Variants in CBFA2T3 observed in about 807,000 individuals in gnomAD.
CBFA2T3 encodes the protein transcriptional corepressor CBFA2T3.
Under a neutral mutation model 58.6 loss-of-function variants are expected in CBFA2T3, and 31 were observed. The observed-to-expected ratio is 0.53, with a 90% CI of 0.40 to 0.71. The LOEUF (loss-of-function observed/expected upper bound fraction) is 0.71. Ranked by LOEUF, CBFA2T3 falls within the 30% of genes least tolerant of loss-of-function variation. The pLI, the probability that CBFA2T3 is intolerant of heterozygous loss-of-function variation, is 0.00. For missense variants in CBFA2T3, 1,076 were observed against 963.1 expected, an observed-to-expected ratio of 1.12 and a Z score of -1.55; for synonymous variants, 531 against 421.9, an observed-to-expected ratio of 1.26 and a Z score of -3.17.
At chr16:88,880,359 C>T (rs531252317) in intron 10 of CBFA2T3, among the ~76,000 whole-genome samples, 135 of 152,328 alleles carry the variant, frequency 8.9e-4, no homozygotes, top group African/African-American at 3.0e-3. Flanking sequence ...CAGCGCTCAG[C>T]TCCACGTCTG....
chr16:88,947,190 G>A (rs915024396), intron 1 of CBFA2T3, among the ~76,000 whole-genome samples: 5 of 152,248 alleles, frequency 3.3e-5, no homozygotes, highest in Non-Finnish European at 5.9e-5. Context: ...GGAACAAGTC[G>A]GAAAGAGTAA....
intron 8 of CBFA2T3, chr16:88,881,754 CGCTCAGCGGGG>C (rs1337446526): frequency 2.3e-6 from 1 of 442,158 alleles, no homozygotes; most frequent in Non-Finnish European, 4.0e-6. Context: ...CTTTTTAACC[CGCTCAGCGGGG>C]CTCTGCCTCA....
At chr16:88,880,939 C>A in intron 9 of CBFA2T3, 151 bp from the exon 10 acceptor site, 1 of 740,840 alleles carries the variant, frequency 1.3e-6, no homozygotes, top group South Asian at 1.6e-5. Flanking sequence ...AGGTCTGGCT[C>A]AGGCACCCAG....
intron 1 of CBFA2T3, among the ~76,000 whole-genome samples, chr16:88,902,211 C>T (rs1224068326): frequency 2.0e-5 from 3 of 152,170 alleles, no homozygotes; most frequent in African/African-American, 4.8e-5. Flanking sequence ...GGGCGGGGGA[C>T]GGTGTCTGCC....
At chr16:88,887,936 G>A (rs2911451) in intron 5 of CBFA2T3, among the ~76,000 whole-genome samples, 59,550 of 152,046 alleles carry the variant, frequency 0.39, 12,094 homozygotes, top group East Asian at 0.69. Flanking sequence ...GGACTCCGCT[G>A]CTCTGCCAAG....
rs571550899 is a variant in CBFA2T3 at position 88,877,126 on chromosome 16, G to A, written c.1812C>T (p.Ala604=). The change falls in exon 12 of 12, where the codon GCC becomes GCT. Residue 604 remains alanine (A), a synonymous_variant. Coordinates refer to ENST00000268679, the MANE Select transcript of CBFA2T3 (RefSeq NM_005187.6). Reference sequence around the variant, plus strand: ...CTTCGGGCGGTCCAGGCACCGGGTCGGCCACCACGGCTGTGGGGCCCTGCA... The same window carrying A: ...CTTCGGGCGGTCCAGGCACCGGGTCAGCCACCACGGCTGTGGGGCCCTGCA... ...QSLQGPTAVV[A]DPVPGPPEAA... is the part of the protein sequence containing the mutation. The A allele has an allele frequency of 8.4e-6, 13 of 1,548,660 alleles. No homozygotes were observed. Among genetic ancestry groups the A allele is most frequent in the South Asian group, 2.4e-5 (2 of 84,002 alleles).
At chr16:88,924,520 G>T (rs1971023361) in intron 1 of CBFA2T3, among the ~76,000 whole-genome samples, 3 of 152,146 alleles carry the variant, frequency 2.0e-5, no homozygotes, top group Admixed American at 1.3e-4. Flanking sequence ...AGAGCGGGCG[G>T]AGGGCCCAGT....
Position 88,898,913 on chromosome 16 carries a change from A to G in CBFA2T3, c.305-761T>C, listed in dbSNP as rs1248997074. 5.9e-5 allele frequency among the ~76,000 whole-genome samples: 9 copies of G among 152,248 alleles called. No individual in the cohort carries two copies. In the South Asian group the frequency reaches 1.0e-3, roughly 17 times the overall value. ...TTGTTCGAGCTGAAGTCAGTGGCGC[A>G]GGCCACAGGAAGACAGGCTCTAGTA... On this transcript the variant is annotated intron_variant, in intron 2 of 11. Coordinates refer to ENST00000268679, the MANE Select transcript of CBFA2T3 (RefSeq NM_005187.6).
intron 3 of CBFA2T3, among the ~76,000 whole-genome samples, chr16:88,896,170 G>A (rs1034089891): frequency 6.6e-6 from 1 of 152,162 alleles, no homozygotes; most frequent in Non-Finnish European, 1.5e-5. Flanking sequence ...ACTAATCGCA[G>A]GTCAGATATG....
In CBFA2T3 at chr16:88,881,352, G is replaced by T. The variant is rs751263024; in HGVS notation, c.1341C>A (p.Gly447=). ...GGGGCCGGGCCGCGGCGGGAGCGGG[G>T]CCCTTCTTTGTGTCCTCGGCGTCGC... ...RYSDAEDTKK[G]PAPAAARPRS... is the part of the protein sequence containing the mutation. Residue 447 remains glycine, a synonymous_variant, in exon 9 of 12, where the codon GGC becomes GGA. Transcript: ENST00000268679. The T allele has an allele frequency of 6.3e-7, 1 of 1,584,872 alleles. No individual in the cohort carries two copies. Among genetic ancestry groups the T allele is most frequent in the South Asian group, 1.1e-5 (1 of 88,548 alleles).
rs1163295672 is a variant in CBFA2T3, at chr16:88,898,138, GC to G, written c.318del (p.Pro107LeufsTer13). The G allele has an allele frequency of 1.2e-6, 2 of 1,612,424 alleles. No individual in the cohort carries two copies. Among genetic ancestry groups the G allele is most frequent in the Admixed American group, 1.7e-5 (1 of 60,024 alleles). Reference protein sequence around the residue: ...SFTPHTHREDGPATLPHGRFH... With the variant: ...SFTPHTHREDXPATLPHGRFH... ...AAACGGCCGTGGGGCAGCGTCGCAG[GC>G]CCGTCCTCTCGATCTGTAAGCAAAA... is the stretch of plus-strand genomic sequence containing the variant. On this transcript the variant is annotated frameshift_variant, in exon 3 of 12. Coordinates refer to ENST00000268679, the MANE Select transcript of CBFA2T3 (RefSeq NM_005187.6). LOFTEE classifies it high-confidence loss of function.
At chr16:88,959,130 G>A (rs115651967) in intron 1 of CBFA2T3, among the ~76,000 whole-genome samples, 182 of 152,322 alleles carry the variant, frequency 1.2e-3, no homozygotes, top group African/African-American at 4.2e-3. Flanking sequence ...GCTGATTGAC[G>A]CGCTGAATCG....
intron 1 of CBFA2T3, among the ~76,000 whole-genome samples, chr16:88,902,820 C>T (rs997918782): frequency 6.6e-6 from 1 of 152,158 alleles, no homozygotes; most frequent in South Asian, 2.1e-4. Context: ...GAATACCGGA[C>T]TGCCCCGCAC....
In CBFA2T3 at chr16:88,965,506, C is replaced by T. The variant is rs1044813517; in HGVS notation, c.151+11151G>A. The stretch of plus-strand genomic sequence containing the variant: ...GGTGCGCAGCGCCAGCCACAGGCCC[C>T]GAATCCTGCTTCTACAACCCAGGGG... On this transcript the variant is annotated intron_variant, in intron 1 of 11. Coordinates refer to ENST00000268679, the MANE Select transcript of CBFA2T3 (RefSeq NM_005187.6). Among the ~76,000 whole-genome samples, 8 of 152,208 alleles carry T rather than the reference C, an allele frequency of 5.3e-5. No homozygotes were observed. The South Asian group carries it at 8.3e-4, about 16-fold the overall frequency.
intron 1 of CBFA2T3, among the ~76,000 whole-genome samples, chr16:88,930,540 G>A (rs1417261265): frequency 6.6e-6 from 1 of 151,802 alleles, no homozygotes; most frequent in Non-Finnish European, 1.5e-5. Flanking sequence ...CTAGGCTCCA[G>A]TGCGGGGAGC....
Position 88,976,726 on chromosome 16 carries a change from C to T in CBFA2T3, c.82G>A (p.Val28Met), listed in dbSNP as rs1473239715. Residue 28 changes from valine to methionine, a missense_variant, in exon 1 of 12, where the codon GTG becomes ATG. By Grantham distance (21) the Val-to-Met change is conservative. Transcript: ENST00000268679. ...TCGSMSQTHP[V>M]LESGLLASAG... ...GATGCCAGGAGGCCGCTCTCCAGCA[C>T]AGGGTGCGTCTGGGACATGGAGCCA... 6.4e-7 allele frequency: 1 copy of T among 1,558,188 alleles called. No homozygotes were observed. The highest frequency in any genetic ancestry group is 8.7e-7 in the Non-Finnish European group (1 of 1,150,960).
intron 1 of CBFA2T3, among the ~76,000 whole-genome samples, chr16:88,934,931 G>T (rs947081126): frequency 1.3e-5 from 2 of 152,134 alleles, no homozygotes; most frequent in Admixed American, 6.5e-5. Flanking sequence ...TAGTAGAGAC[G>T]GGGTTTCACC....
chr16:88,899,149 T>C lies in CBFA2T3; in HGVS notation c.305-997A>G, dbSNP rs546803946. Among the ~76,000 whole-genome samples, 446 of 144,426 alleles carry C rather than the reference T, an allele frequency of 3.1e-3. 3 individuals are homozygous for C. Among genetic ancestry groups the C allele is most frequent in the African/African-American group, 0.011 (423 of 38,462 alleles). The allele number at this position is 144,426 out of a possible 152,430, so 94.7% of individuals were successfully genotyped here. On this transcript the variant is annotated intron_variant, in intron 2 of 11. Coordinates refer to ENST00000268679, the MANE Select transcript of CBFA2T3 (RefSeq NM_005187.6). ...GGGCTGTCACTGGGCAAGAGAAACT[T>C]CGGCCCTCAAGTCTCCGTTCAGACT...
chr16:88,908,619 C>G (rs1970418730), intron 1 of CBFA2T3, among the ~76,000 whole-genome samples: 1 of 152,222 alleles, frequency 6.6e-6, no homozygotes, highest in Non-Finnish European at 1.5e-5. Flanking sequence ...GGGCTCCCAG[C>G]CTGGGAGTTC....
Sources: allele counts gnomAD v4.1 joint callset (sites outside exome capture counted in the v4.1 genomes callset), GRCh38; gene constraint gnomAD v4.1.1; transcripts MANE v1.5; gene names NCBI Gene and HGNC (gene_info 2026-07-23, HGNC 2026-07-21).